Variants in WNT2B observed in about 807,000 individuals in gnomAD.
WNT2B encodes Wnt family member 2B.
WNT2B carries 19 observed loss-of-function variants against 40.5 expected under a neutral mutation model. That is an observed-to-expected ratio of 0.47 (90% confidence interval 0.33 to 0.69). WNT2B has a LOEUF of 0.69. Ranked by LOEUF, WNT2B falls within the 30% of genes least tolerant of loss-of-function variation. WNT2B has a pLI of 0.02. For synonymous variants in WNT2B, 220 were observed against 211.9 expected, an observed-to-expected ratio of 1.04 and a Z score of -0.33; for missense variants, 467 against 556.4, an observed-to-expected ratio of 0.84 and a Z score of 1.62.
chr1:112,530,013 A>G lies in WNT2B; in HGVS notation c.*9504A>G, dbSNP rs929898910. 6.6e-6 allele frequency: 1 copy of G among 152,242 alleles called. No individual in the cohort carries two copies. Among genetic ancestry groups the G allele is most frequent in the Non-Finnish European group, 1.5e-5 (1 of 68,040 alleles). 9.4% of individuals were successfully genotyped at this position (152,242 alleles called of 1,614,324 possible). Reference sequence around the variant, plus strand: ...GACCTCTGAATTAGAAGATGCCATCATGCAACTAACTTACTATCTGGAGAT... The same window carrying G: ...GACCTCTGAATTAGAAGATGCCATCGTGCAACTAACTTACTATCTGGAGAT... On this transcript the variant is annotated 3_prime_UTR_variant, in exon 5 of 5. Transcript: ENST00000369684.
At chr1:112,476,428 A>G (rs1335517465) in intron 1 of WNT2B, among the ~76,000 whole-genome samples, 1 of 152,226 alleles carries the variant, frequency 6.6e-6, no homozygotes, top group Non-Finnish European at 1.5e-5. Flanking sequence ...CCCACTGAGA[A>G]AAACAACGAA....
At chr1:112,518,483 T>C (rs1652686220) in intron 4 of WNT2B, 1 of 152,200 alleles carries the variant, frequency 6.6e-6, no homozygotes, top group Non-Finnish European at 1.5e-5. Flanking sequence ...ACCCAATTAA[T>C]GAAGAAAGTA....
At chr1:112,483,138 G>A (rs1164717249) in intron 1 of WNT2B, among the ~76,000 whole-genome samples, 2 of 151,344 alleles carry the variant, frequency 1.3e-5, no homozygotes, top group Admixed American at 6.6e-5. Flanking sequence ...TGCTATGATT[G>A]CACCTGTGAA....
At chr1:112,472,908 A>T in intron 1 of WNT2B, among the ~76,000 whole-genome samples, 1 of 141,582 alleles carries the variant, frequency 7.1e-6, no homozygotes, top group Non-Finnish European at 1.5e-5. Context: ...TGCTGCCGTG[A>T]GTTGTGATCA....
intron 1 of WNT2B, among the ~76,000 whole-genome samples, chr1:112,488,238 C>T (rs1651481175): frequency 6.6e-6 from 1 of 151,926 alleles, no homozygotes; most frequent in African/African-American, 2.4e-5. Flanking sequence ...GTAGAGTTTG[C>T]AGTTAGCCGA....
chr1:112,505,612 G>C (rs1652084123), upstream of WNT2B, among the ~76,000 whole-genome samples: 1 of 152,254 alleles, frequency 6.6e-6, no homozygotes, highest in Non-Finnish European at 1.5e-5. Flanking sequence ...GCCTTTGCGT[G>C]AGGAGCTGAG....
At chr1:112,502,802 G>C (rs745972579) in intron 1 of WNT2B, among the ~76,000 whole-genome samples, 9 of 152,218 alleles carry the variant, frequency 5.9e-5, no homozygotes, top group Non-Finnish European at 1.0e-4. Context: ...AGAGGCTATA[G>C]AGAAGGAAAT....
Position 112,520,544 on chromosome 1 carries a change from G to T in WNT2B, c.*35G>T, listed in dbSNP as rs777895917. The T allele has an allele frequency of 6.2e-7, 1 of 1,602,936 alleles. No individual in the cohort carries two copies. Among genetic ancestry groups the T allele is most frequent in the Non-Finnish European group, 8.5e-7 (1 of 1,173,254 alleles). ...TACCTCACTCATCCCTCCAATTCAAGCCTCTCAACTCAAAAGCACAAGATC... is the reference window on the plus strand; with the variant it reads ...TACCTCACTCATCCCTCCAATTCAATCCTCTCAACTCAAAAGCACAAGATC... On this transcript the variant is annotated 3_prime_UTR_variant, in exon 5 of 5. Coordinates refer to ENST00000369684, the MANE Select transcript of WNT2B (RefSeq NM_024494.3).
At chr1:112,494,297 G>A (rs916329012) in intron 1 of WNT2B, among the ~76,000 whole-genome samples, 2 of 151,108 alleles carry the variant, frequency 1.3e-5, no homozygotes, top group Non-Finnish European at 2.9e-5. Context: ...GCAACAGAGA[G>A]ACGATCCGTT....
chr1:112,508,761 C>T (rs1481284591), upstream of WNT2B: 8 of 986,532 alleles, frequency 8.1e-6, no homozygotes, highest in African/African-American at 1.2e-4. The surrounding 1 kb of genome is among the most constrained non-coding windows in gnomAD (Gnocchi z 4.2). Flanking sequence ...GCCGCGGCGT[C>T]CCGTCGCAGC....
chr1:112,492,486 G>A (rs1299186112), intron 1 of WNT2B, among the ~76,000 whole-genome samples: 2 of 152,190 alleles, frequency 1.3e-5, no homozygotes, highest in African/African-American at 4.8e-5. Context: ...AGTCATGGGA[G>A]GACCTCACAT....
chr1:112,515,233 GGA>G lies in WNT2B; in HGVS notation c.403+140_403+141del. On this transcript the variant is annotated intron_variant, in intron 2 of 4. Transcript: ENST00000369684. The surrounding 1 kb of genome is among the most constrained non-coding windows in gnomAD (Gnocchi z 4.4). Reference sequence around the variant, plus strand: ...GAGAAAGAACTGTGGGCAGAGCCCAGGATATAATTGGGAACAGACTCTTAGCA... The same window carrying G: ...GAGAAAGAACTGTGGGCAGAGCCCAGTATAATTGGGAACAGACTCTTAGCA... The G allele has an allele frequency of 9.6e-7, 1 of 1,038,764 alleles. No individual in the cohort carries two copies. Among genetic ancestry groups the G allele is most frequent in the Non-Finnish European group, 1.4e-6 (1 of 718,472 alleles). 64.3% of individuals were successfully genotyped at this position (1,038,764 alleles called of 1,614,324 possible).
At chr1:112,471,721 C>T (rs1570758620) in intron 1 of WNT2B, among the ~76,000 whole-genome samples, 1 of 152,180 alleles carries the variant, frequency 6.6e-6, no homozygotes, top group Non-Finnish European at 1.5e-5. Flanking sequence ...GGAATATACC[C>T]TGTAGTATCT....
Position 112,520,299 on chromosome 1 carries a change from C to T in WNT2B, c.966C>T (p.Gly322=). ...ACCCAGGTTCCCTAGGCACTGCAGG[C>T]CGTGTCTGCAGCAAGACATCAAAAG... The part of the protein sequence containing the change: ...DKAAGSLGTA[G]RVCSKTSKGT... Residue 322 remains glycine (G), a synonymous_variant, in exon 5 of 5, where the codon GGC becomes GGT. Transcript: ENST00000369684. 6.2e-7 allele frequency: 1 copy of T among 1,614,038 alleles called. No individual in the cohort carries two copies. Among genetic ancestry groups the T allele is most frequent in the East Asian group, 2.2e-5 (1 of 44,876 alleles).
chr1:112,517,661 G>T (rs1013228344), intron 4 of WNT2B: 4 of 407,586 alleles, frequency 9.8e-6, no homozygotes, highest in Non-Finnish European at 1.8e-5. Flanking sequence ...ATTATTCAGG[G>T]TATGTTTAAC....
intron 1 of WNT2B, 200 bp from the exon 2 acceptor site, chr1:112,514,674 C>T (rs980538192): frequency 1.1e-5 from 7 of 611,410 alleles, no homozygotes; most frequent in Non-Finnish European, 1.7e-5. Flanking sequence ...CACTCAATTA[C>T]TCTCTCTGCA....
At chr1:112,507,497 C>T (rs141147428), upstream of WNT2B, among the ~76,000 whole-genome samples, 2 of 152,296 alleles carry the variant, frequency 1.3e-5, no homozygotes, top group African/African-American at 2.4e-5. Flanking sequence ...CCACTCTGCC[C>T]GCCCACAGAA....
rs1050081112 is a variant in WNT2B at position 112,525,122 on chromosome 1, C to T, written c.*4613C>T. ...CATGCCAGAGATAGTGAGATGTGCACCCTATGTGCTGAGAATGATGGAGCA... is the reference window on the plus strand; with the variant it reads ...CATGCCAGAGATAGTGAGATGTGCATCCTATGTGCTGAGAATGATGGAGCA... On this transcript the variant is annotated 3_prime_UTR_variant, in exon 5 of 5. Coordinates refer to ENST00000369684, the MANE Select transcript of WNT2B (RefSeq NM_024494.3). 1 of 152,200 alleles carries T rather than the reference C, an allele frequency of 6.6e-6. No individual in the cohort carries two copies. The highest frequency in any genetic ancestry group is 6.5e-5 in the Admixed American group (1 of 15,272). The allele number at this position is 152,200 out of a possible 1,614,324, so 9.4% of individuals were successfully genotyped here. A position where few individuals can be genotyped will look rare whatever the true frequency, so the allele number is the denominator to read the frequency against.
chr1:112,486,440 C>A (rs1613341), intron 1 of WNT2B, among the ~76,000 whole-genome samples: 45,444 of 151,892 alleles, frequency 0.3, 7,751 homozygotes, highest in African/African-American at 0.47. Context: ...CAGACCCTGT[C>A]TCAAAAACAA....
Sources: allele counts gnomAD v4.1 joint callset (sites outside exome capture counted in the v4.1 genomes callset), GRCh38; gene constraint gnomAD v4.1.1; non-coding constraint Gnocchi (gnomAD v3.1); transcripts MANE v1.5; gene names NCBI Gene and HGNC (gene_info 2026-07-23, HGNC 2026-07-21).